The following TRDN variants were observed in gnomAD, a reference collection of about 807,000 sequenced individuals.
TRDN encodes the protein triadin in skeletal muscle.
Under a neutral mutation model 149.7 loss-of-function variants are expected in TRDN, and 161 were observed. The ratio of observed to expected loss-of-function variants is 1.08; its 90% CI spans 0.95 to 1.23. The LOEUF (loss-of-function observed/expected upper bound fraction) is 1.23. Among genes scored for constraint, TRDN ranks in the 50% most tolerant of loss-of-function variants. The probability of loss-of-function intolerance (pLI) is 0.00; values close to 1 mark genes in which losing one functional copy is unlikely to be tolerated. For missense variants in TRDN, 896 were observed against 823.5 expected (o/e 1.09, Z -1.08); for synonymous variants, 294 against 250.5 (o/e 1.17, Z -1.64).
chr6:123,430,132 T>C (rs1774271423), intron 12 of TRDN, among the ~76,000 whole-genome samples: 1 of 151,968 alleles, frequency 6.6e-6, no homozygotes, highest in East Asian at 1.9e-4. Context: ...TAGCCAGGCA[T>C]GGTGGCACGT....
At chr6:123,265,049 T>G (rs1210357127) in intron 33 of TRDN, among the ~76,000 whole-genome samples, 1 of 151,988 alleles carries the variant, frequency 6.6e-6, no homozygotes, top group Non-Finnish European at 1.5e-5. Flanking sequence ...TTGAATTGCA[T>G]TTTTTGAATC....
intron 23 of TRDN, among the ~76,000 whole-genome samples, chr6:123,322,759 G>C (rs1779292006): frequency 6.6e-6 from 1 of 151,682 alleles, no homozygotes; most frequent in Admixed American, 6.6e-5. Context: ...TCCTGCCTCA[G>C]CCTCCCCAGC....
chr6:123,503,839 C>T lies in TRDN; in HGVS notation c.673G>A (p.Gly225Arg), dbSNP rs1384317084. 1.2e-6 allele frequency: 2 copies of T among 1,602,502 alleles called. No individual in the cohort carries two copies. Among genetic ancestry groups the T allele is most frequent in the Non-Finnish European group, 1.7e-6 (2 of 1,173,600 alleles). ...GTTTGCTTCACTTTCTCCTGTTTTC[C>T]ACCTTTCACTTCCTTTTTAGTCTTT... Reference protein sequence around the residue: ...EEKTKKEVKGGKQEKVKQTAA... With the variant: ...EEKTKKEVKGRKQEKVKQTAA... Residue 225 changes from glycine to arginine, a missense_variant, in exon 8 of 41, where the codon GGA becomes AGA. By Grantham distance (125) the Gly-to-Arg change is moderately radical. Transcript: ENST00000334268.
intron 6 of TRDN, 72 bp downstream of exon 6, chr6:123,516,069 C>A (rs141614347): frequency 7.6e-6 from 10 of 1,308,548 alleles, no homozygotes; most frequent in South Asian, 2.0e-5. Flanking sequence ...CATCTAAAAT[C>A]TGAATGTAAA....
In TRDN at chr6:123,503,739, A is replaced by C. The variant is rs1778799288; in HGVS notation, c.773T>G (p.Val258Gly). The change falls in exon 8 of 41, where the codon GTG (valine) becomes GGG (glycine). Residue 258 changes from valine (V) to glycine (G), a missense_variant. Val to Gly is a moderately radical substitution (Grantham distance 109, BLOSUM62 -3). Coordinates refer to ENST00000334268, the MANE Select transcript of TRDN (RefSeq NM_006073.4). ...KEKEDKEKAA[V>G]SKHEQKDQYA... ...TTTACCTTTCTGTTCATGCTTTGAC[A>C]CAGCTGCTTTCTCTTTGTCCTCCTT... 1 of 1,613,576 alleles carries C rather than the reference A, an allele frequency of 6.2e-7. No homozygotes were observed. Among genetic ancestry groups the C allele is most frequent in the East Asian group, 2.2e-5 (1 of 44,848 alleles).
At chr6:123,297,507 T>A (rs937524443) in intron 24 of TRDN, among the ~76,000 whole-genome samples, 14 of 152,062 alleles carry the variant, frequency 9.2e-5, no homozygotes, top group African/African-American at 3.4e-4. Context: ...ATACTGACAT[T>A]ATACAATGAT....
At chr6:123,471,242 C>T (rs1777131605) in intron 9 of TRDN, 1 of 152,142 alleles carries the variant, frequency 6.6e-6, no homozygotes, top group Admixed American at 6.5e-5. Context: ...TATAATTTGA[C>T]TTGAGTATCT....
At chr6:123,506,023 T>C (rs1478617879) in intron 7 of TRDN, among the ~76,000 whole-genome samples, 3 of 152,186 alleles carry the variant, frequency 2.0e-5, no homozygotes, top group Admixed American at 2.0e-4. Flanking sequence ...AACTCATATG[T>C]TTCTGTGACT....
intron 1 of TRDN, among the ~76,000 whole-genome samples, chr6:123,618,708 A>G (rs1785229071): frequency 6.6e-6 from 1 of 152,200 alleles, no homozygotes; most frequent in African/African-American, 2.4e-5. Context: ...CTCAAAATCC[A>G]TGGCTCACAA....
intron 1 of TRDN, among the ~76,000 whole-genome samples, chr6:123,629,133 A>T (rs1785830311): frequency 6.6e-6 from 1 of 152,146 alleles, no homozygotes; most frequent in South Asian, 2.1e-4. Context: ...GTGCCACTTC[A>T]TATCTCTTAT....
At chr6:123,624,403 C>A (rs1785546872) in intron 1 of TRDN, among the ~76,000 whole-genome samples, 1 of 152,050 alleles carries the variant, frequency 6.6e-6, no homozygotes, top group African/African-American at 2.4e-5. Flanking sequence ...CAAGAGGTAG[C>A]CAAAATTTTC....
chr6:123,304,253 T>TTTTC (rs1491156497), intron 24 of TRDN, among the ~76,000 whole-genome samples: 8 of 13,520 alleles, frequency 5.9e-4, no homozygotes, highest in African/African-American at 1.5e-3. Flanking sequence ...TTTTATTTTC[T>TTTTC]TTTTTTTTTT....
chr6:123,488,697 A>T (rs1583132258), intron 9 of TRDN: 1 of 131,330 alleles, frequency 7.6e-6, no homozygotes, highest in Non-Finnish European at 1.6e-5. Context: ...CTTGTACAAC[A>T]TTTCCAATCT....
intron 1 of TRDN, among the ~76,000 whole-genome samples, chr6:123,594,323 A>G (rs1783927066): frequency 6.6e-6 from 1 of 152,102 alleles, no homozygotes; most frequent in South Asian, 2.1e-4. Flanking sequence ...AAAAGACCAC[A>G]TATTTTATTC....
chr6:123,357,166 T>C (rs901557689), intron 20 of TRDN, among the ~76,000 whole-genome samples: 1 of 152,028 alleles, frequency 6.6e-6, no homozygotes, highest in Non-Finnish European at 1.5e-5. Context: ...CTTTGACTTA[T>C]AGAATACTTA....
In TRDN at chr6:123,352,527, A is replaced by AT. The variant is rs537388823; in HGVS notation, c.1369+11dup. On this transcript the variant is annotated intron_variant, in intron 21 of 40. Transcript: ENST00000334268. ...AAAGAAGATAATGTCAACCTCCTTC[A>AT]TTTTTTTTTACCTTGCTCCACTGTC... The AT allele has an allele frequency of 5.3e-4, 841 of 1,592,678 alleles. No individual in the cohort carries two copies. Among genetic ancestry groups the AT allele is most frequent in the African/African-American group, 5.1e-3 (378 of 73,990 alleles).
rs763041259 is a variant in TRDN at position 123,301,770 on chromosome 6, C to CACAT, written c.1510+14686_1510+14687insATGT. Among the ~76,000 whole-genome samples, 20 of 57,838 alleles carry CACAT rather than the reference C, an allele frequency of 3.5e-4. 1 individual carries two copies. Among genetic ancestry groups the CACAT allele is most frequent in the Admixed American group, 1.1e-3 (4 of 3,480 alleles). 37.9% of individuals were successfully genotyped at this position (57,838 alleles called of 152,430 possible). A position where few individuals can be genotyped will look rare whatever the true frequency, so the allele number is the denominator to read the frequency against. ...ATATATACATATATATATATATATACATATATATATATATATACATAAATG... is the reference window on the plus strand; with the variant it reads ...ATATATACATATATATATATATATACACATATATATATATATATATACATAAATG... On this transcript the variant is annotated intron_variant, in intron 24 of 40. Coordinates refer to ENST00000334268, the MANE Select transcript of TRDN (RefSeq NM_006073.4).
At chr6:123,471,045 G>C (rs888222572) in intron 9 of TRDN, 4 of 152,182 alleles carry the variant, frequency 2.6e-5, no homozygotes, top group African/African-American at 9.6e-5. Context: ...CCCTATAAAA[G>C]TTTATCAGGG....
chr6:123,392,316 C>T (rs1447633261), intron 13 of TRDN, among the ~76,000 whole-genome samples: 1 of 152,008 alleles, frequency 6.6e-6, no homozygotes, highest in East Asian at 1.9e-4. Context: ...TCATTTTCCT[C>T]CTCATGAATG....
Sources: allele counts gnomAD v4.1 joint callset (sites outside exome capture counted in the v4.1 genomes callset), GRCh38; gene constraint gnomAD v4.1.1; transcripts MANE v1.5; gene names NCBI Gene and HGNC (gene_info 2026-07-23, HGNC 2026-07-21).